The following TDRD3 variants were observed in gnomAD, a reference collection of about 807,000 sequenced individuals.
TDRD3 encodes tudor domain containing 3.
In TDRD3, 45 loss-of-function variants were observed where a neutral mutation model predicts 86.7. That is an observed-to-expected ratio of 0.52 (90% CI 0.41 to 0.67). TDRD3 has a LOEUF of 0.67. Ranked by LOEUF, TDRD3 falls within the 30% of genes least tolerant of loss-of-function variation. The probability of loss-of-function intolerance (pLI) is 0.00; values close to 1 mark genes in which losing one functional copy is unlikely to be tolerated. For synonymous variants in TDRD3, 298 were observed against 301.7 expected, an observed-to-expected ratio of 0.99 and a Z score of 0.13; for missense variants, 814 against 889.0, an observed-to-expected ratio of 0.92 and a Z score of 1.07.
chr13:60,407,758 C>T (rs1954268191), intron 1 of TDRD3, among the ~76,000 whole-genome samples: 1 of 152,158 alleles, frequency 6.6e-6, no homozygotes, highest in Admixed American at 6.5e-5. Context: ...TATGAGATAG[C>T]AACAAATTCT....
intron 10 of TDRD3, among the ~76,000 whole-genome samples, chr13:60,524,844 A>G (rs993751309): frequency 2.0e-5 from 3 of 151,806 alleles, no homozygotes; most frequent in Non-Finnish European, 4.4e-5. Flanking sequence ...CACACCTGTA[A>G]TCCGAGCACT....
At chr13:60,396,465 T>G (rs370381972), upstream of TDRD3, 3 of 152,246 alleles carry the variant, frequency 2.0e-5, no homozygotes, top group African/African-American at 7.2e-5. Flanking sequence ...GGACCCACCC[T>G]GCGCCCCAGC....
intron 5 of TDRD3, among the ~76,000 whole-genome samples, chr13:60,475,263 C>T (rs1009284643): frequency 1.3e-5 from 2 of 151,956 alleles, no homozygotes; most frequent in African/African-American, 2.4e-5. Context: ...TTAAGCAGTC[C>T]CCAGTGTCTC....
chr13:60,570,929 A>G (rs998890524), intron 13 of TDRD3, among the ~76,000 whole-genome samples: 1 of 152,234 alleles, frequency 6.6e-6, no homozygotes, highest in Non-Finnish European at 1.5e-5. Flanking sequence ...TAGCTTATCC[A>G]TATCAAATAA....
At chr13:60,516,022 TAGC>T (rs1187018895) in intron 10 of TDRD3, among the ~76,000 whole-genome samples, 2 of 152,244 alleles carry the variant, frequency 1.3e-5, no homozygotes, top group African/African-American at 4.8e-5. Context: ...ATGTTCATAT[TAGC>T]AGCATCATTT....
At chr13:60,489,907 A>C (rs1956543385) in intron 7 of TDRD3, among the ~76,000 whole-genome samples, 1 of 152,184 alleles carries the variant, frequency 6.6e-6, no homozygotes, top group Non-Finnish European at 1.5e-5. Context: ...ATCTCAAATG[A>C]ACTTTTCTAC....
chr13:60,470,522 T>A (rs1357874270), intron 5 of TDRD3, among the ~76,000 whole-genome samples: 1 of 151,972 alleles, frequency 6.6e-6, no homozygotes, highest in Non-Finnish European at 1.5e-5. Flanking sequence ...TCACCAACGG[T>A]TGGTATTTTG....
intron 1 of TDRD3, among the ~76,000 whole-genome samples, chr13:60,400,429 G>A (rs1954062603): frequency 6.6e-6 from 1 of 152,156 alleles, no homozygotes; most frequent in South Asian, 2.1e-4. Context: ...TACCTAATCA[G>A]TTGTGTTTTT....
chr13:60,486,699 C>T (rs1956445682), intron 7 of TDRD3, among the ~76,000 whole-genome samples: 1 of 152,118 alleles, frequency 6.6e-6, no homozygotes, highest in Non-Finnish European at 1.5e-5. Context: ...TTATTGAACA[C>T]TAGAACTTAT....
intron 12 of TDRD3, among the ~76,000 whole-genome samples, chr13:60,564,881 C>A (rs1345344467): frequency 1.3e-5 from 2 of 151,922 alleles, no homozygotes; most frequent in Non-Finnish European, 2.9e-5. Flanking sequence ...GAAAGAAGTA[C>A]CCATTCTGTG....
At chr13:60,551,118 A>G (rs1958041620) in intron 12 of TDRD3, among the ~76,000 whole-genome samples, 1 of 152,216 alleles carries the variant, frequency 6.6e-6, no homozygotes, top group African/African-American at 2.4e-5. Flanking sequence ...TGGTCTACTT[A>G]TATAAACCTT....
intron 3 of TDRD3, among the ~76,000 whole-genome samples, chr13:60,459,587 G>C (rs1345318301): frequency 6.6e-6 from 1 of 152,136 alleles, no homozygotes; most frequent in Admixed American, 6.6e-5. Context: ...AGGAGAGGGA[G>C]CACTTTAAAC....
At chr13:60,410,221 C>T (rs1954329227) in intron 1 of TDRD3, among the ~76,000 whole-genome samples, 1 of 151,998 alleles carries the variant, frequency 6.6e-6, no homozygotes, top group African/African-American at 2.4e-5. Context: ...TTATCAGTAG[C>T]ATGAAAATGG....
At chr13:60,475,146 T>C (rs1378761563) in intron 5 of TDRD3, among the ~76,000 whole-genome samples, 3 of 152,034 alleles carry the variant, frequency 2.0e-5, no homozygotes, top group Non-Finnish European at 4.4e-5. Context: ...CATGGGTAAA[T>C]TGTGTGTCAC....
chr13:60,484,419 C>A (rs1022545687), intron 6 of TDRD3, among the ~76,000 whole-genome samples: 1 of 152,138 alleles, frequency 6.6e-6, no homozygotes, highest in Non-Finnish European at 1.5e-5. Context: ...GGTTGGTAAT[C>A]TGTCTTGCAT....
intron 7 of TDRD3, among the ~76,000 whole-genome samples, chr13:60,493,068 G>A (rs182589976): frequency 6.6e-6 from 1 of 151,270 alleles, no homozygotes; most frequent in African/African-American, 2.4e-5. Flanking sequence ...ACAGGCGCCC[G>A]CCAACATGCC....
intron 12 of TDRD3, among the ~76,000 whole-genome samples, chr13:60,549,734 A>G (rs992003682): frequency 2.6e-5 from 4 of 152,116 alleles, no homozygotes; most frequent in Non-Finnish European, 5.9e-5. Flanking sequence ...GTTTAATCTC[A>G]TGAGGCTTAA....
Position 60,550,553 on chromosome 13 carries a change from A to G in TDRD3, c.2118+15320A>G, listed in dbSNP as rs188149684. ...ATAAACTGGTAGGATTTGTCTTAGT[A>G]AATAGATTGCCTCTGGGTTCCTTTC... On this transcript the variant is annotated intron_variant, in intron 12 of 13. Coordinates refer to ENST00000377881, the MANE Select transcript of TDRD3 (RefSeq NM_001146070.2). Among the ~76,000 whole-genome samples the G allele has an allele frequency of 3.2e-3, 490 of 152,230 alleles. 2 individuals carry two copies. Among genetic ancestry groups the G allele is most frequent in the African/African-American group, 0.01 (431 of 41,582 alleles).
At chr13:60,572,263 A>G (rs1204241697) in intron 13 of TDRD3, among the ~76,000 whole-genome samples, 1 of 152,232 alleles carries the variant, frequency 6.6e-6, no homozygotes, top group Non-Finnish European at 1.5e-5. Context: ...AATAGAGAAT[A>G]TGAACCAAAA....
Sources: gnomAD v4.1 joint callset for allele counts (sites outside exome capture counted in the v4.1 genomes callset) on GRCh38, gnomAD v4.1.1 for gene constraint, MANE v1.5 for transcripts, NCBI Gene and HGNC (gene_info 2026-07-23, HGNC 2026-07-21) for gene names.